Variants in TTN observed in about 807,000 individuals in gnomAD.
The protein encoded by TTN is connectin.
TTN carries 1,525 observed loss-of-function variants against 3,223.0 expected under a neutral mutation model. The ratio of observed to expected loss-of-function variants is 0.47; its 90% CI spans 0.45 to 0.49. The LOEUF is 0.49. TTN is among the 20% of genes least tolerant of loss of function. TTN has a pLI of 0.00. For missense variants in TTN, 40,786 were observed against 43,424.0 expected (o/e 0.94, Z 5.40); for synonymous variants, 14,094 against 15,161.0 (o/e 0.93, Z 5.17).
chr2:178,576,543 A>T lies in TTN; in HGVS notation c.69701T>A (p.Met23234Lys). 6.2e-7 allele frequency: 1 copy of T among 1,613,274 alleles called. No individual in the cohort carries two copies. Among genetic ancestry groups the T allele is most frequent in the Non-Finnish European group, 8.5e-7 (1 of 1,179,592 alleles). The change falls in exon 325 of 363, where the codon ATG becomes AAG. Residue 23234 changes from methionine to lysine, a missense_variant. By Grantham distance (95) the Met-to-Lys change is moderately conservative. Transcript: ENST00000589042. The surrounding 1 kb of genome is among the most constrained non-coding windows in gnomAD (Gnocchi z 4.3). ...CAAATACTAACATGCTGCATCTTTC[A>T]TCAGAACAGAATCTGAAGCCTCACT... ...PPSEASDSVL[M>K]KDAAYPPGPP...
Position 178,563,038 on chromosome 2 carries a change from A to G in TTN, c.83094T>C (p.Thr27698=), listed in dbSNP as rs878924000. The G allele has an allele frequency of 1.2e-5, 19 of 1,613,632 alleles. No homozygotes were observed. The highest frequency in any genetic ancestry group is 1.5e-5 in the Non-Finnish European group (18 of 1,179,678). Residue 27698 remains threonine, a synonymous_variant, in exon 326 of 363, where the codon ACT becomes ACC. Coordinates refer to ENST00000589042, the MANE Select transcript of TTN (RefSeq NM_001267550.2). This position sits in a 1 kb window ranked among gnomAD's most constrained non-coding sequence, Gnocchi z 4.5. ...CTTCGGGTTCTGGTCGACCTTTGATAGTGACAAATAAGCGTAAAGTAGCAC... is the reference window on the plus strand; with the variant it reads ...CTTCGGGTTCTGGTCGACCTTTGATGGTGACAAATAAGCGTAAAGTAGCAC... ...RASATLRLFV[T]IKGRPEPEVK... is the part of the protein sequence containing the mutation.
At chr2:178,538,906 C>G (rs1693015535) in intron 353 of TTN, 40 bp downstream of exon 353, 1 of 1,583,502 alleles carries the variant, frequency 6.3e-7, no homozygotes, top group East Asian at 2.2e-5. Flanking sequence ...CCAAACATGG[C>G]TTGCTTCTTT....
chr2:178,724,533 C>G lies in TTN; in HGVS notation c.20842G>C (p.Ala6948Pro). The G allele has an allele frequency of 6.3e-7, 1 of 1,582,704 alleles. No homozygotes were observed. Residue 6948 changes from alanine to proline, a missense_variant, in exon 72 of 363, where the codon GCA becomes CCA. Transcript: ENST00000589042. ...GGTCCTGCCTTCTCAACAATGACTG[C>G]GGGCTCTGAAATAAAACGTGATATC... The part of the protein sequence containing the change: ...NMATLMVLEP[A>P]VIVEKAGPMT...
Position 178,718,018 on chromosome 2 carries a change from C to G in TTN, c.24988G>C (p.Asp8330His). The G allele has an allele frequency of 6.2e-7, 1 of 1,613,788 alleles. No individual in the cohort carries two copies. Among genetic ancestry groups the G allele is most frequent in the Non-Finnish European group, 8.5e-7 (1 of 1,179,712 alleles). ...GCCTTGCATGAATACTCTCCCACATCACTGTGATCCACTTTGTTGATTACT... is the reference window on the plus strand; with the variant it reads ...GCCTTGCATGAATACTCTCCCACATGACTGTGATCCACTTTGTTGATTACT... Reference protein sequence around the residue: ...SLVINKVDHSDVGEYSCKADN... With the variant: ...SLVINKVDHSHVGEYSCKADN... Residue 8330 changes from aspartate to histidine, a missense_variant, in exon 86 of 363, where the codon GAT (aspartate) becomes CAT (histidine). Transcript: ENST00000589042.
In TTN at chr2:178,593,953, A is replaced by C; in HGVS notation, c.58432+8T>G. On this transcript the variant is annotated splice_region_variant and intron_variant, in intron 297 of 362. Coordinates refer to ENST00000589042, the MANE Select transcript of TTN (RefSeq NM_001267550.2). The stretch of plus-strand genomic sequence containing the variant: ...GAAGATCTATTCTTTCCACTAAATA[A>C]GACTTACCAACAACATTAACTTGAC... The C allele has an allele frequency of 6.2e-7, 1 of 1,613,090 alleles. No individual in the cohort carries two copies. Among genetic ancestry groups the C allele is most frequent in the East Asian group, 2.2e-5 (1 of 44,760 alleles).
chr2:178,764,846 A>G (rs2090073604), intron 41 of TTN, 35 bp from the exon 42 acceptor site: 1 of 1,610,968 alleles, frequency 6.2e-7, no homozygotes, highest in African/African-American at 1.3e-5. Context: ...CCCATGAAAA[A>G]GTGTAAAAAC....
intron 126 of TTN, 150 bp from the exon 127 acceptor site, chr2:178,688,374 T>C: frequency 1.4e-6 from 1 of 738,190 alleles, no homozygotes; most frequent in Admixed American, 2.5e-5. Context: ...AGGAAGCTAA[T>C]TTAAGATGAG....
chr2:178,574,026 T>G lies in TTN; in HGVS notation c.72106A>C (p.Lys24036Gln), dbSNP rs544263357. 5.6e-6 allele frequency: 9 copies of G among 1,613,454 alleles called. No individual in the cohort carries two copies. Among genetic ancestry groups the G allele is most frequent in the Admixed American group, 5.0e-5 (3 of 59,990 alleles). The change falls in exon 326 of 363, where the codon AAG (lysine) becomes CAG (glutamine). Residue 24036 changes from lysine (K) to glutamine (Q), a missense_variant. Transcript: ENST00000589042. ...CCTGCTTTTAATATAACCGTGTCCT[T>G]AAATTTAACATCCACCTTTATCTTT... ...APKIKVDVKF[K>Q]DTVILKAGEA...
In TTN at chr2:178,601,364, AGAG is replaced by A. The variant is rs1304324268; in HGVS notation, c.55630_55632del (p.Leu18544del). ...ACACGGAAGAAATATTGCTGTTCAG[AGAG>A]GAGATCAGGCACTACAAATGTGGTG... On this transcript the variant is annotated inframe_deletion, in exon 287 of 363. Transcript: ENST00000589042. 6 of 1,612,694 alleles carry A rather than the reference AGAG, an allele frequency of 3.7e-6. No individual in the cohort carries two copies. In the South Asian group the frequency reaches 5.5e-5, roughly 15 times the overall value.
chr2:178,740,958 A>G lies in TTN; in HGVS notation c.12275T>C (p.Leu4092Pro). 1 of 1,613,948 alleles carries G rather than the reference A, an allele frequency of 6.2e-7. No individual in the cohort carries two copies. ...AALITEENQQ[L>P]SYEHIAKANE... The stretch of plus-strand genomic sequence containing the variant: ...GGCTTTAGCAATATGCTCATAAGAT[A>G]GTTGCTGGTTTTCTTCTGTAATTAA... Residue 4092 changes from leucine (L) to proline (P), a missense_variant, in exon 48 of 363, where the codon CTA becomes CCA. By Grantham distance (98) the Leu-to-Pro change is moderately conservative. Coordinates refer to ENST00000589042, the MANE Select transcript of TTN (RefSeq NM_001267550.2).
Position 178,582,399 on chromosome 2 carries a change from T to C in TTN, c.66057A>G (p.Lys22019=), listed in dbSNP as rs372989710. Residue 22019 remains lysine, a synonymous_variant, in exon 314 of 363, where the codon AAA becomes AAG. Coordinates refer to ENST00000589042, the MANE Select transcript of TTN (RefSeq NM_001267550.2). ...ACTGATACTCATGGCCCTCTATAAG[T>C]TTCTCCACGCTGCAGCTGGTGATAG... ...TVPITSCSVE[K]LIEGHEYQFR... is the part of the protein sequence containing the mutation. 9.3e-6 allele frequency: 15 copies of C among 1,612,726 alleles called. No homozygotes were observed. Among genetic ancestry groups the C allele is most frequent in the Non-Finnish European group, 1.3e-5 (15 of 1,179,330 alleles).
chr2:178,574,258 A>G lies in TTN; in HGVS notation c.71874T>C (p.Ser23958=), dbSNP rs372289212. ...GAAGGTCTCTCTTTTCAACGATATA[A>G]CTGGTAATTTTAAAGCCCCCAGTAT... ...PEYTGGFKIT[S]YIVEKRDLPN... The change falls in exon 326 of 363, where the codon AGT becomes AGC. Residue 23958 remains serine (S), a synonymous_variant. Transcript: ENST00000589042. 5 of 1,612,938 alleles carry G rather than the reference A, an allele frequency of 3.1e-6. No homozygotes were observed. In the East Asian group the frequency reaches 1.1e-4, roughly 36 times the overall value.
At chr2:178,668,408 G>A (rs1311929140) in intron 159 of TTN, among the ~76,000 whole-genome samples, 2 of 152,078 alleles carry the variant, frequency 1.3e-5, no homozygotes, top group Non-Finnish European at 2.9e-5. Flanking sequence ...AGAAAGTTGA[G>A]TTTCAACAGG....
Position 178,581,621 on chromosome 2 carries a change from C to T in TTN, c.66647G>A (p.Arg22216His), listed in dbSNP as rs753717922. ...CNLPQNLQKTRFEVTGLMEDT... is the reference protein window; with the variant it reads ...CNLPQNLQKTHFEVTGLMEDT... ...TTCCATCAGGCCAGTAACCTCAAAG[C>T]GGGTTTTCTGTAGATTCTGTGGTAA... The change falls in exon 316 of 363, where the codon CGC (arginine) becomes CAC (histidine). Residue 22216 changes from arginine (R) to histidine (H), a missense_variant. Physicochemically the swap from Arg to His is conservative, Grantham distance 29. Transcript: ENST00000589042. The T allele has an allele frequency of 4.5e-5, 72 of 1,612,612 alleles. No individual in the cohort carries two copies. Among genetic ancestry groups the T allele is most frequent in the African/African-American group, 9.4e-5 (7 of 74,840 alleles).
rs1707701892 is a variant in TTN, at chr2:178,570,307, A to G, written c.75825T>C (p.Tyr25275=). Residue 25275 remains tyrosine, a synonymous_variant, in exon 326 of 363, where the codon TAT becomes TAC. Coordinates refer to ENST00000589042, the MANE Select transcript of TTN (RefSeq NM_001267550.2). The part of the protein sequence containing the change: ...KVTKLLEGNE[Y]TFRIMAVNKY... ...TGTTTACTGCCATTATACGGAAAGT[A>G]TATTCATTGCCTTCAAGAAGCTTAG... 6.2e-7 allele frequency: 1 copy of G among 1,613,386 alleles called. No homozygotes were observed. Among genetic ancestry groups the G allele is most frequent in the Non-Finnish European group, 8.5e-7 (1 of 1,179,616 alleles).
In TTN at chr2:178,740,120, C is replaced by G; in HGVS notation, c.13113G>C (p.Glu4371Asp). Residue 4371 changes from glutamate (E) to aspartate (D), a missense_variant, in exon 48 of 363, where the codon GAG becomes GAC. Glu to Asp is a conservative substitution (Grantham distance 45). Transcript: ENST00000589042. ...TAGAAAGAAGGTCCCTTCCCTGTAC[C>G]TCCTGCACTTTCTTTATTGCCACGG... ...REPVAIKKVQ[E>D]VQGRDLLSKE... 4 of 1,613,848 alleles carry G rather than the reference C, an allele frequency of 2.5e-6. No homozygotes were observed. The highest frequency in any genetic ancestry group is 2.5e-6 in the Non-Finnish European group (3 of 1,179,842).
At chr2:178,673,573 G>T in intron 152 of TTN, 60 bp downstream of exon 152, 2 of 1,364,790 alleles carry the variant, frequency 1.5e-6, no homozygotes, top group South Asian at 1.5e-5. Context: ...AGAAAATGTT[G>T]CTTTTAAGAA....
In TTN at chr2:178,526,719, C is replaced by T; in HGVS notation, c.*293G>A. On this transcript the variant is annotated 3_prime_UTR_variant, in exon 363 of 363. Transcript: ENST00000589042. ...TCGTTCCATAAGAAACTTTCTCCTA[C>T]CAACAGTTAGTTTCAAAACTTACAT... The T allele has an allele frequency of 4.2e-6, 1 of 235,496 alleles. No homozygotes were observed. Among genetic ancestry groups the T allele is most frequent in the Non-Finnish European group, 8.2e-6 (1 of 122,034 alleles). The allele number at this position is 235,496 out of a possible 1,614,324, so 14.6% of individuals were successfully genotyped here.
chr2:178,746,602 G>A lies in TTN; in HGVS notation c.11312-4681C>T, dbSNP rs2083631942. ...GGGGCATTATGTCTACATTTGCAAA[G>A]CTCTTTGCTTCCCCTATGATGTTTA... On this transcript the variant is annotated intron_variant, in intron 47 of 362. Transcript: ENST00000589042. 3.7e-6 allele frequency: 6 copies of A among 1,613,194 alleles called. No individual in the cohort carries two copies. The South Asian group carries it at 6.6e-5, about 18-fold the overall frequency.
Sources: allele counts gnomAD v4.1 joint callset (sites outside exome capture counted in the v4.1 genomes callset), GRCh38; gene constraint gnomAD v4.1.1; non-coding constraint Gnocchi (gnomAD v3.1); transcripts MANE v1.5; gene names NCBI Gene and HGNC (gene_info 2026-07-23, HGNC 2026-07-21).